The following SLC26A2 variants were observed in gnomAD, a reference collection of about 807,000 sequenced individuals.
SLC26A2 encodes the protein sulfate transporter.
SLC26A2 carries 36 observed loss-of-function variants against 41.1 expected under a neutral mutation model. The observed-to-expected ratio is 0.88, with a 90% CI of 0.67 to 1.16. The LOEUF is 1.16. Ranked by LOEUF, SLC26A2 falls within the 50% of genes most tolerant of loss-of-function variation. SLC26A2 has a pLI of 0.00. For missense variants in SLC26A2, 796 were observed against 869.6 expected (o/e 0.92, Z 1.07); for synonymous variants, 291 against 311.6 (o/e 0.93, Z 0.70).
intron 1 of SLC26A2, among the ~76,000 whole-genome samples, chr5:149,962,743 A>C (rs1409296057): frequency 6.6e-6 from 1 of 152,220 alleles, no homozygotes; most frequent in South Asian, 2.1e-4. Flanking sequence ...ATTTCTTGAC[A>C]TAAGCTTGGT....
At chr5:149,965,413 G>A (rs1256713372) in intron 1 of SLC26A2, among the ~76,000 whole-genome samples, 2 of 146,208 alleles carry the variant, frequency 1.4e-5, no homozygotes, top group Non-Finnish European at 3.0e-5. Context: ...CTGGGAGATG[G>A]AGGTTGCAGT....
At chr5:149,977,359 T>C (rs533666543) in intron 1 of SLC26A2, among the ~76,000 whole-genome samples, 4 of 152,294 alleles carry the variant, frequency 2.6e-5, no homozygotes, top group South Asian at 4.1e-4. Context: ...CAGGCATATA[T>C]GGAGAAGAAT....
In SLC26A2 at chr5:149,982,037, G is replaced by A; in HGVS notation, c.*224G>A. The A allele has an allele frequency of 1.8e-6, 1 of 553,936 alleles. No individual in the cohort carries two copies. The highest frequency in any genetic ancestry group is 3.2e-6 in the Non-Finnish European group (1 of 313,506). The allele number at this position is 553,936 out of a possible 1,614,324, so 34.3% of individuals were successfully genotyped here. On this transcript the variant is annotated 3_prime_UTR_variant, in exon 3 of 3. Transcript: ENST00000286298. ...AAATACGGTTTCAGGCTTTCTTGCAGATATGAAGTATTCTTGGAATGCAAT... is the reference window on the plus strand; with the variant it reads ...AAATACGGTTTCAGGCTTTCTTGCAAATATGAAGTATTCTTGGAATGCAAT...
In SLC26A2 at chr5:149,980,751, A is replaced by G. The variant is rs2113698338; in HGVS notation, c.1158A>G (p.Ala386=). Residue 386 remains alanine (A), a synonymous_variant, in exon 3 of 3, where the codon GCA becomes GCG. Transcript: ENST00000286298. Reference sequence around the variant, plus strand: ...TAATTCCTAGTGTGGCTGTAGATGCAATAGCTATTTCCATCATTGGTTTTG... The same window carrying G: ...TAATTCCTAGTGTGGCTGTAGATGCGATAGCTATTTCCATCATTGGTTTTG... ...WNLIPSVAVD[A]IAISIIGFAI... 1.9e-6 allele frequency: 3 copies of G among 1,613,958 alleles called. No individual in the cohort carries two copies. The highest frequency in any genetic ancestry group is 2.5e-6 in the Non-Finnish European group (3 of 1,179,926).
intron 2 of SLC26A2, among the ~76,000 whole-genome samples, chr5:149,979,737 T>A (rs1581231379): frequency 6.6e-6 from 1 of 152,358 alleles, no homozygotes; most frequent in East Asian, 1.9e-4. Context: ...TAATCTACAA[T>A]AATTTTTAAA....
intron 1 of SLC26A2, among the ~76,000 whole-genome samples, chr5:149,966,736 G>T (rs1474275864): frequency 2.6e-5 from 4 of 152,044 alleles, no homozygotes; most frequent in African/African-American, 9.7e-5. Flanking sequence ...GTGCATTTTT[G>T]ATTTTGGATT....
chr5:149,986,643 T>TA lies in SLC26A2; in HGVS notation c.*4831dup, dbSNP rs552095539. ...AGTGGATTCTCTGGTGTGTATTTTT[T>TA]ATCTCAGTGTTGAAAATTGGAAAAG... On this transcript the variant is annotated 3_prime_UTR_variant, in exon 3 of 3. Coordinates refer to ENST00000286298, the MANE Select transcript of SLC26A2 (RefSeq NM_000112.4). 144 of 152,338 alleles carry TA rather than the reference T, an allele frequency of 9.5e-4. No individual in the cohort carries two copies. Among genetic ancestry groups the TA allele is most frequent in the African/African-American group, 3.2e-3 (135 of 41,564 alleles). The allele number at this position is 152,338 out of a possible 1,614,324, so 9.4% of individuals were successfully genotyped here.
In SLC26A2 at chr5:149,981,826, A is replaced by G. The variant is rs773546058; in HGVS notation, c.*13A>G. The stretch of plus-strand genomic sequence containing the variant: ...TAGTAGTGATTAATTGAGAAGGTAG[A>G]TAGAAGAATGTCTAGCCAATAGGTT... On this transcript the variant is annotated 3_prime_UTR_variant, in exon 3 of 3. Transcript: ENST00000286298. 3.1e-6 allele frequency: 5 copies of G among 1,587,328 alleles called. No homozygotes were observed. The highest frequency in any genetic ancestry group is 1.7e-5 in the Admixed American group (1 of 59,770).
chr5:149,976,549 A>G (rs1003271216), intron 1 of SLC26A2, among the ~76,000 whole-genome samples: 1 of 152,250 alleles, frequency 6.6e-6, no homozygotes, highest in African/African-American at 2.4e-5. Context: ...GCACTAATTC[A>G]TGAAGCATTT....
chr5:149,982,192 C>A lies in SLC26A2; in HGVS notation c.*379C>A. On this transcript the variant is annotated 3_prime_UTR_variant, in exon 3 of 3. Coordinates refer to ENST00000286298, the MANE Select transcript of SLC26A2 (RefSeq NM_000112.4). ...GAAGTTGGGATTTACATTGGAAGTG[C>A]TGTAGACTTCTTTATGTGGCTCAGT... The A allele has an allele frequency of 5.4e-6, 1 of 185,396 alleles. No homozygotes were observed. The highest frequency in any genetic ancestry group is 1.3e-4 in the South Asian group (1 of 7,912). 11.5% of individuals were successfully genotyped at this position (185,396 alleles called of 1,614,324 possible).
intron 1 of SLC26A2, among the ~76,000 whole-genome samples, chr5:149,974,307 G>C (rs1754954380): frequency 6.6e-6 from 1 of 151,550 alleles, no homozygotes; most frequent in Non-Finnish European, 1.5e-5. Context: ...TTTATCTTTT[G>C]TTTTCAGCAG....
In SLC26A2 at chr5:149,986,976, G is replaced by A. The variant is rs1331450993; in HGVS notation, c.*5163G>A. 1 of 152,194 alleles carries A rather than the reference G, an allele frequency of 6.6e-6. No homozygotes were observed. Among genetic ancestry groups the A allele is most frequent in the Non-Finnish European group, 1.5e-5 (1 of 68,028 alleles). The allele number at this position is 152,194 out of a possible 1,614,324, so 9.4% of individuals were successfully genotyped here. A position where few individuals can be genotyped will look rare whatever the true frequency, so the allele number is the denominator to read the frequency against. ...AGTGTGTATGAACATACCAATCTAT[G>A]TAATAGGCTACCTTTTTTTGTCTTC... On this transcript the variant is annotated 3_prime_UTR_variant, in exon 3 of 3. Transcript: ENST00000286298.
At chr5:149,972,929 A>G (rs746368940) in intron 1 of SLC26A2, among the ~76,000 whole-genome samples, 6 of 151,586 alleles carry the variant, frequency 4.0e-5, no homozygotes, top group Non-Finnish European at 8.8e-5. Context: ...TATTACTTAT[A>G]CCTTTTTAAA....
chr5:149,968,039 C>A (rs1379824985), intron 1 of SLC26A2, among the ~76,000 whole-genome samples: 2 of 143,246 alleles, frequency 1.4e-5, no homozygotes, highest in African/African-American at 5.2e-5. Flanking sequence ...TCGTGTCTGT[C>A]TTTTGCTTAA....
At chr5:149,967,879 T>G (rs990679019) in intron 1 of SLC26A2, among the ~76,000 whole-genome samples, 1 of 152,026 alleles carries the variant, frequency 6.6e-6, no homozygotes, top group African/African-American at 2.4e-5. Context: ...CCTCCCAAAG[T>G]GCTGGGATTA....
Position 149,980,831 on chromosome 5 carries a change from A to T in SLC26A2, c.1238A>T (p.Lys413Ile), listed in dbSNP as rs1486535887. The T allele has an allele frequency of 6.2e-7, 1 of 1,614,124 alleles. No individual in the cohort carries two copies. The highest frequency in any genetic ancestry group is 1.7e-5 in the Admixed American group (1 of 60,018). ...MFAKKHGYTV[K>I]ANQEMYAIGF... is the part of the protein sequence containing the mutation. ...GCCAAGAAACATGGTTACACAGTCA[A>T]AGCAAACCAGGAAATGTATGCCATT... is the stretch of plus-strand genomic sequence containing the variant. The change falls in exon 3 of 3, where the codon AAA becomes ATA. Residue 413 changes from lysine to isoleucine, a missense_variant. Physicochemically the swap from Lys to Ile is moderately radical, Grantham distance 102. Coordinates refer to ENST00000286298, the MANE Select transcript of SLC26A2 (RefSeq NM_000112.4).
Position 149,960,893 on chromosome 5 carries a change from C to A in SLC26A2, c.-112C>A, listed in dbSNP as rs904734958. 3 of 152,292 alleles carry A rather than the reference C, an allele frequency of 2.0e-5. No homozygotes were observed. Among genetic ancestry groups the A allele is most frequent in the Non-Finnish European group, 2.9e-5 (2 of 68,092 alleles). 9.4% of individuals were successfully genotyped at this position (152,292 alleles called of 1,614,324 possible). A position where few individuals can be genotyped will look rare whatever the true frequency, so the allele number is the denominator to read the frequency against. On this transcript the variant is annotated 5_prime_UTR_variant, in exon 1 of 3. Coordinates refer to ENST00000286298, the MANE Select transcript of SLC26A2 (RefSeq NM_000112.4). ...AAGGGACAGGCAGGTATAGCTCTGT[C>A]GGCGCCGCGGTGTCCACCTCAGTCA...
rs750039313 is a variant in SLC26A2, at chr5:149,981,776, T to C, written c.2183T>C (p.Val728Ala). ...GAAGTATCTAAAAATCAGAAAGGAG[T>C]ATGTGTTCCCAATGGTCTGAGTCTT... ...FAEVSKNQKG[V>A]CVPNGLSLSS... Residue 728 changes from valine (V) to alanine (A), a missense_variant, in exon 3 of 3, where the codon GTA (valine) becomes GCA (alanine). Physicochemically the swap from Val to Ala is moderately conservative, Grantham distance 64. Transcript: ENST00000286298. 6.2e-7 allele frequency: 1 copy of C among 1,612,802 alleles called. No individual in the cohort carries two copies. Among genetic ancestry groups the C allele is most frequent in the South Asian group, 1.1e-5 (1 of 90,906 alleles).
intron 1 of SLC26A2, among the ~76,000 whole-genome samples, chr5:149,968,662 C>T (rs1289384319): frequency 2.0e-5 from 3 of 150,884 alleles, no homozygotes; most frequent in Non-Finnish European, 2.9e-5. Flanking sequence ...CCTTGTGATC[C>T]GCCTGCCTCG....
Sources: allele counts gnomAD v4.1 joint callset (sites outside exome capture counted in the v4.1 genomes callset), GRCh38; gene constraint gnomAD v4.1.1; transcripts MANE v1.5; gene names NCBI Gene and HGNC (gene_info 2026-07-23, HGNC 2026-07-21).